TMEM255B: variants seen among roughly 807,000 people sequenced by gnomAD.
TMEM255B encodes family with sequence similarity 70, member B.
In TMEM255B, 35 loss-of-function variants were observed where a neutral mutation model predicts 34.5. That is an observed-to-expected ratio of 1.01 (90% CI 0.77 to 1.34). The LOEUF is 1.34. Among genes scored for constraint, TMEM255B ranks in the 40% most tolerant of loss-of-function variants. TMEM255B has a pLI of 0.00. For synonymous variants in TMEM255B, 206 were observed against 201.2 expected (o/e 1.02, Z -0.20); for missense variants, 432 against 433.2 (o/e 1.00, Z 0.02).
At chr13:113,811,554 C>A (rs2138591041) in intron 8 of TMEM255B, among the ~76,000 whole-genome samples, 182 bp from the exon 9 acceptor site, 4 of 132,428 alleles carry the variant, frequency 3.0e-5, no homozygotes, top group East Asian at 2.3e-4. Context: ...TCTGAGGGGG[C>A]CTGTGTGAAT....
rs2051352614 is a variant in TMEM255B, at chr13:113,812,964, C to CCCCGTGTGAGTCACAGGT, written c.*1065_*1066insTGTGAGTCACAGGTCCCG. On this transcript the variant is annotated 3_prime_UTR_variant, in exon 9 of 9. Coordinates refer to ENST00000375353, the MANE Select transcript of TMEM255B (RefSeq NM_182614.4). ...TCACGGGTCCCGGGTGGGTCACGGG[C>CCCCGTGTGAGTCACAGGT]CCCGGGTGGGTCACGGGTCCCGGGT... The CCCCGTGTGAGTCACAGGT allele has an allele frequency of 4.2e-4, 45 of 106,092 alleles. 1 individual carries two copies. The highest frequency in any genetic ancestry group is 2.3e-3 in the African/African-American group (43 of 18,422). 6.6% of individuals were successfully genotyped at this position (106,092 alleles called of 1,614,324 possible). A position where few individuals can be genotyped will look rare whatever the true frequency, so the allele number is the denominator to read the frequency against.
chr13:113,799,286 C>T, intron 4 of TMEM255B, 53 bp from the exon 5 acceptor site: 1 of 1,585,748 alleles, frequency 6.3e-7, no homozygotes, highest in Non-Finnish European at 8.6e-7. Context: ...CCTCTGGCCT[C>T]TCCCGCCTGG....
chr13:113,803,912 G>T (rs376195882), intron 7 of TMEM255B, among the ~76,000 whole-genome samples: 1 of 150,734 alleles, frequency 6.6e-6, no homozygotes, highest in Non-Finnish European at 1.5e-5. Context: ...GGTTTTCACC[G>T]TGTCCCCGGG....
rs1163345416 is a variant in TMEM255B, at chr13:113,787,086, G to A, written c.253-8062G>A. ...TCTGACACTTTAATGAACAGAACAT[G>A]TGAAAATATGTCATAATTAAATAAT... is the stretch of plus-strand genomic sequence containing the variant. On this transcript the variant is annotated intron_variant, in intron 3 of 8. Transcript: ENST00000375353. Among the ~76,000 whole-genome samples, 3 of 151,794 alleles carry A rather than the reference G, an allele frequency of 2.0e-5. No individual in the cohort carries two copies. The South Asian group carries it at 6.2e-4, about 31-fold the overall frequency.
chr13:113,768,067 G>A, intron 2 of TMEM255B: 3 of 402,412 alleles, frequency 7.5e-6, no homozygotes, highest in South Asian at 5.5e-5. Flanking sequence ...TTTACATAAA[G>A]AAGTCCGGTT....
chr13:113,759,544 CTCTCTG>C (rs58074269), intron 1 of TMEM255B, among the ~76,000 whole-genome samples: 29,379 of 151,962 alleles, frequency 0.19, 3,313 homozygotes, highest in African/African-American at 0.31. Context: ...CCCTGTCTCT[CTCTCTG>C]TCTCTGTCTC....
intron 8 of TMEM255B, among the ~76,000 whole-genome samples, chr13:113,811,507 C>T (rs1594176389): frequency 6.9e-6 from 1 of 144,302 alleles, no homozygotes; most frequent in East Asian, 2.1e-4. Context: ...GTGAATAGCC[C>T]TGGGTCTGCG....
chr13:113,786,359 A>T (rs2050741019), intron 3 of TMEM255B, among the ~76,000 whole-genome samples: 1 of 150,400 alleles, frequency 6.6e-6, no homozygotes, highest in African/African-American at 2.5e-5. Context: ...CGTCACTGTA[A>T]TTACCGTCTT....
intron 2 of TMEM255B, chr13:113,768,013 C>A: frequency 2.9e-6 from 1 of 342,742 alleles, no homozygotes; most frequent in Non-Finnish European, 6.0e-6. Context: ...GTGTACGTGT[C>A]TATCACCACA....
At chr13:113,790,895 C>CT (rs1479288804) in intron 3 of TMEM255B, among the ~76,000 whole-genome samples, 1 of 152,262 alleles carries the variant, frequency 6.6e-6, no homozygotes, top group Admixed American at 6.5e-5. Flanking sequence ...TGGCCACACT[C>CT]TCGCTGAATT....
At position 113,797,197 on chromosome 13, in the gene TMEM255B, G is replaced by T. The variant is rs2050958235; in HGVS notation, c.342+1960G>T. 2.0e-5 allele frequency among the ~76,000 whole-genome samples: 3 copies of T among 152,254 alleles called. No homozygotes were observed. The South Asian group carries it at 6.2e-4, about 31-fold the overall frequency. On this transcript the variant is annotated intron_variant, in intron 4 of 8. Coordinates refer to ENST00000375353, the MANE Select transcript of TMEM255B (RefSeq NM_182614.4). ...GGGGCATGCATCTAGGCAAGTGTGG[G>T]AGCCTCTTGGTTAGAAACAAAGCAG... is the stretch of plus-strand genomic sequence containing the variant.
At chr13:113,802,314 G>C (rs1000985510) in intron 7 of TMEM255B, among the ~76,000 whole-genome samples, 1 of 152,232 alleles carries the variant, frequency 6.6e-6, no homozygotes. Context: ...AAACCACAGG[G>C]AAATCACTGG....
intron 8 of TMEM255B, among the ~76,000 whole-genome samples, chr13:113,807,959 C>A (rs1422022010): frequency 6.6e-6 from 1 of 152,186 alleles, no homozygotes; most frequent in Non-Finnish European, 1.5e-5. Context: ...GGATGTTCCC[C>A]TCTTCCTCTG....
intron 7 of TMEM255B, among the ~76,000 whole-genome samples, chr13:113,803,906 T>G (rs12100161): frequency 0.064 from 1,251 of 19,514 alleles, 17 homozygotes; most frequent in African/African-American, 0.2. Flanking sequence ...TCCCGGGGTT[T>G]TCACCGTGTC....
At chr13:113,794,997 C>T (rs1029258296) in intron 3 of TMEM255B, 151 bp from the exon 4 acceptor site, 74 of 698,250 alleles carry the variant, frequency 1.1e-4, no homozygotes, top group Non-Finnish European at 1.7e-4. Flanking sequence ...CCGGCCTGGC[C>T]AGGGCTGGAA....
chr13:113,806,072 C>T lies in TMEM255B; in HGVS notation c.813+1044C>T, dbSNP rs781224094. ...GGTCTTCAGATATTCCACAAGAGGA[C>T]CCTCTCCCGACACATGACGTTGTCA... On this transcript the variant is annotated intron_variant, in intron 8 of 8. Coordinates refer to ENST00000375353, the MANE Select transcript of TMEM255B (RefSeq NM_182614.4). This position sits in a 1 kb window ranked among gnomAD's most constrained non-coding sequence, Gnocchi z 4.2. 2.6e-5 allele frequency among the ~76,000 whole-genome samples: 4 copies of T among 152,150 alleles called. No homozygotes were observed. Among genetic ancestry groups the T allele is most frequent in the Non-Finnish European group, 4.4e-5 (3 of 68,024 alleles).
chr13:113,778,236 G>A (rs1026638406), intron 3 of TMEM255B, among the ~76,000 whole-genome samples: 2 of 152,220 alleles, frequency 1.3e-5, no homozygotes, highest in Non-Finnish European at 2.9e-5. Context: ...GGAGATGTGA[G>A]GGAGGGAAAG....
At chr13:113,787,355 A>G (rs1278417571) in intron 3 of TMEM255B, among the ~76,000 whole-genome samples, 1 of 152,264 alleles carries the variant, frequency 6.6e-6, no homozygotes, top group Non-Finnish European at 1.5e-5. Context: ...AACAGTTTTT[A>G]AACGTTCTAA....
intron 7 of TMEM255B, among the ~76,000 whole-genome samples, 158 bp downstream of exon 7, chr13:113,801,970 C>T (rs1179063235): frequency 6.6e-6 from 1 of 152,192 alleles, no homozygotes; most frequent in East Asian, 1.9e-4. Flanking sequence ...AGCTGGCGTG[C>T]ACCGACTCAC....
Sources: allele counts gnomAD v4.1 joint callset (sites outside exome capture counted in the v4.1 genomes callset), GRCh38; gene constraint gnomAD v4.1.1; non-coding constraint Gnocchi (gnomAD v3.1); transcripts MANE v1.5; gene names NCBI Gene and HGNC (gene_info 2026-07-23, HGNC 2026-07-21).